The following USP26 variants were observed in gnomAD, a reference collection of about 807,000 sequenced individuals.
USP26 encodes the protein ubiquitin carboxyl-terminal hydrolase 26.
For missense variants in USP26, 649 were observed against 642.3 expected, an observed-to-expected ratio of 1.01 and a Z score of -0.11; for synonymous variants, 236 against 240.6, an observed-to-expected ratio of 0.98 and a Z score of 0.18.
chrX:133,057,417 G>A, intron 5 of USP26, among the ~76,000 whole-genome samples: 1 of 111,512 alleles, frequency 9.0e-6, no homozygotes, highest in East Asian at 2.8e-4. Flanking sequence ...CAAAGAACCA[G>A]ATTTTGGTTT....
rs766799169 is a variant in USP26 at position 133,028,068 on chromosome X, C to A, written c.153G>T (p.Arg51=). 1.2e-5 allele frequency: 15 copies of A among 1,208,839 alleles called. No individual in the cohort carries two copies. Among genetic ancestry groups the A allele is most frequent in the Middle Eastern group, 4.6e-4 (2 of 4,372 alleles). The change falls in exon 6 of 6, where the codon CGG becomes CGT. Residue 51 remains arginine (R), a synonymous_variant. Coordinates refer to ENST00000511190, the MANE Select transcript of USP26 (RefSeq NM_031907.3). Reference sequence around the variant, plus strand: ...CTACATTTTGAATATTATCACTTAGCCGAAAAGTGCTATATTTTCCACTTT... The same window carrying A: ...CTACATTTTGAATATTATCACTTAGACGAAAAGTGCTATATTTTCCACTTT... ...YFKSGKYSTF[R]LSDNIQNVVL... is the part of the protein sequence containing the mutation.
intron 5 of USP26, among the ~76,000 whole-genome samples, chrX:133,040,784 G>A (rs1177671431): frequency 9.0e-6 from 1 of 111,315 alleles, no homozygotes; most frequent in East Asian, 2.8e-4. Flanking sequence ...CCTGAAGTGT[G>A]TTTTCCGACT....
chrX:133,061,203 G>T (rs2067493172), intron 5 of USP26, among the ~76,000 whole-genome samples: 3 of 112,005 alleles, frequency 2.7e-5, no homozygotes. Context: ...TTATTAATTG[G>T]TTGGTTGGTT....
chrX:133,046,021 A>T (rs938747564), intron 5 of USP26: 1 of 111,732 alleles, frequency 8.9e-6, no homozygotes, highest in Non-Finnish European at 1.9e-5. Context: ...AGTATGACAG[A>T]GGTCTCCCTG....
chrX:133,047,483 T>C (rs1173663324), intron 5 of USP26, among the ~76,000 whole-genome samples: 2 of 112,493 alleles, frequency 1.8e-5, no homozygotes, highest in Non-Finnish European at 3.7e-5. Flanking sequence ...TGTTGCACTG[T>C]ATTCATCAAC....
Position 133,026,458 on chromosome X carries a change from C to A in USP26, c.1763G>T (p.Trp588Leu), listed in dbSNP as rs1211003275. 1 of 1,208,775 alleles carries A rather than the reference C, an allele frequency of 8.3e-7. No homozygotes were observed. Among genetic ancestry groups the A allele is most frequent in the African/African-American group, 1.8e-5 (1 of 56,997 alleles). ...KMTSGNISVSWPATKESKDIL... is the reference protein window; with the variant it reads ...KMTSGNISVSLPATKESKDIL... Reference sequence around the variant, plus strand: ...ATCTTTGGATTCCTTTGTTGCAGGCCATGATACACTGATGTTTCCAGAAGT... The same window carrying A: ...ATCTTTGGATTCCTTTGTTGCAGGCAATGATACACTGATGTTTCCAGAAGT... Residue 588 changes from tryptophan to leucine, a missense_variant, in exon 6 of 6, where the codon TGG (tryptophan) becomes TTG (leucine). Coordinates refer to ENST00000511190, the MANE Select transcript of USP26 (RefSeq NM_031907.3).
chrX:133,096,522 G>A (rs2067631152), intron 1 of USP26, among the ~76,000 whole-genome samples: 2 of 111,826 alleles, frequency 1.8e-5, no homozygotes, highest in Non-Finnish European at 3.8e-5. Context: ...CAACATCGCA[G>A]CAGCTAATGG....
intron 5 of USP26, among the ~76,000 whole-genome samples, chrX:133,064,529 C>T (rs2067504896): frequency 2.7e-5 from 3 of 112,155 alleles, no homozygotes; most frequent in South Asian, 7.5e-4. Context: ...AACAGCTTCT[C>T]AGACCACAGT....
At chrX:133,066,362 A>T (rs1038544210) in intron 5 of USP26, among the ~76,000 whole-genome samples, 1 of 111,880 alleles carries the variant, frequency 8.9e-6, no homozygotes, top group Non-Finnish European at 1.9e-5. Flanking sequence ...TCACAGAACT[A>T]CAAAAAACTA....
intron 5 of USP26, among the ~76,000 whole-genome samples, chrX:133,030,177 C>T (rs1661716294): frequency 9.0e-6 from 1 of 111,293 alleles, no homozygotes; most frequent in Non-Finnish European, 1.9e-5. Context: ...AGCCAACAGG[C>T]TTTTCTCTCA....
chrX:133,079,012 A>C (rs1246796835), intron 5 of USP26, among the ~76,000 whole-genome samples: 1 of 112,072 alleles, frequency 8.9e-6, no homozygotes, highest in Non-Finnish European at 1.9e-5. Flanking sequence ...ACAGACATTC[A>C]GCAGATGATA....
Position 133,046,024 on chromosome X carries a change from T to G in USP26, c.-76-17728A>C, listed in dbSNP as rs1250492417. 5 of 111,049 alleles carry G rather than the reference T, an allele frequency of 4.5e-5. No individual in the cohort carries two copies. The Admixed American group carries it at 4.8e-4, about 11-fold the overall frequency. 9.2% of individuals were successfully genotyped at this position (111,049 alleles called of 1,213,427 possible). A position where few individuals can be genotyped will look rare whatever the true frequency, so the allele number is the denominator to read the frequency against. On this transcript the variant is annotated intron_variant, in intron 5 of 5. Coordinates refer to ENST00000511190, the MANE Select transcript of USP26 (RefSeq NM_031907.3). ...TCAAAAAGCAGGAGTATGACAGAGG[T>G]CTCCCTGGAATGTTTTGGGGTGGTC...
chrX:133,039,126 T>C lies in USP26; in HGVS notation c.-76-10830A>G, dbSNP rs186522161. Among the ~76,000 whole-genome samples, 391 of 111,445 alleles carry C rather than the reference T, an allele frequency of 3.5e-3. 1 individual carries two copies. The highest frequency in any genetic ancestry group is 0.011 in the South Asian group (29 of 2,624). On this transcript the variant is annotated intron_variant, in intron 5 of 5. Transcript: ENST00000511190. ...TTCAAAAAACCAGCTCCTGGACTCA[T>C]TGATTTTTTTTAACAGTTTTTCGTG...
At chrX:133,047,504 T>C (rs777529091) in intron 5 of USP26, among the ~76,000 whole-genome samples, 11 of 112,509 alleles carry the variant, frequency 9.8e-5, no homozygotes, top group African/African-American at 3.5e-4. Context: ...ATTGCTTTAC[T>C]ATTCCACAAG....
chrX:133,063,584 TAAATAA>T (rs2067500932), intron 5 of USP26, among the ~76,000 whole-genome samples: 2 of 111,279 alleles, frequency 1.8e-5, no homozygotes, highest in Non-Finnish European at 3.8e-5. Context: ...TCAACATACT[TAAATAA>T]AAGAATTTTC....
At chrX:133,041,004 T>C (rs1157813957) in intron 5 of USP26, among the ~76,000 whole-genome samples, 1 of 110,221 alleles carries the variant, frequency 9.1e-6, no homozygotes, top group Non-Finnish European at 1.9e-5. Context: ...TACTTGTTTA[T>C]GCTTCACGAA....
intron 5 of USP26, among the ~76,000 whole-genome samples, chrX:133,048,910 G>A (rs1157401395): frequency 9.0e-6 from 1 of 111,625 alleles, no homozygotes; most frequent in Admixed American, 9.5e-5. Context: ...GGAATTTGGT[G>A]AGCCACCTAT....
At chrX:133,075,689 A>G (rs764541648) in intron 5 of USP26, among the ~76,000 whole-genome samples, 1 of 111,941 alleles carries the variant, frequency 8.9e-6, no homozygotes, top group South Asian at 3.7e-4. Flanking sequence ...GGTAAAAAAT[A>G]AGAAAAAAAA....
rs1011526353 is a variant in USP26 at position 133,023,743 on chromosome X, G to A, written c.*1736C>T. Among the ~76,000 whole-genome samples the A allele has an allele frequency of 2.7e-5, 3 of 111,449 alleles. No homozygotes were observed. Among genetic ancestry groups the A allele is most frequent in the African/African-American group, 9.8e-5 (3 of 30,668 alleles). On this transcript the variant is annotated 3_prime_UTR_variant, in exon 6 of 6. Transcript: ENST00000511190. Reference sequence around the variant, plus strand: ...GTTCTGAATACAATCTCCAAACTTTGGAATCTGGTTTTCCTCTTACAGGGT... The same window carrying A: ...GTTCTGAATACAATCTCCAAACTTTAGAATCTGGTTTTCCTCTTACAGGGT...
Sources: allele counts gnomAD v4.1 joint callset (sites outside exome capture counted in the v4.1 genomes callset), GRCh38; gene constraint gnomAD v4.1.1; transcripts MANE v1.5; gene names NCBI Gene and HGNC (gene_info 2026-07-23, HGNC 2026-07-21).